Variants in SGCD observed in about 807,000 individuals in gnomAD.
The protein encoded by SGCD is delta-sarcoglycan.
Under a neutral mutation model 36.6 loss-of-function variants are expected in SGCD, and 18 were observed. The ratio of observed to expected loss-of-function variants is 0.49; its 90% CI spans 0.34 to 0.73. The LOEUF (loss-of-function observed/expected upper bound fraction) is 0.73. Ranked by LOEUF, SGCD falls within the 30% of genes least tolerant of loss-of-function variation. The pLI is 0.01. For missense variants in SGCD, 387 were observed against 346.7 expected (o/e 1.12, Z -0.92); for synonymous variants, 133 against 130.6 (o/e 1.02, Z -0.12).
the SGCD span, among the ~76,000 whole-genome samples, chr5:155,748,908 A>G: frequency 6.6e-6 from 1 of 152,216 alleles, no homozygotes; most frequent in Non-Finnish European, 1.5e-5. Flanking sequence ...CACAATGGCA[A>G]AAGTCTCTGG....
chr5:156,558,482 G>A (rs1336871966), intron 4 of SGCD, among the ~76,000 whole-genome samples: 1 of 152,046 alleles, frequency 6.6e-6, no homozygotes, highest in African/African-American at 2.4e-5. Context: ...ACTTGCATGT[G>A]TACATGACTA....
chr5:156,188,520 G>C (rs1051870177), intron 3 of SGCD, among the ~76,000 whole-genome samples: 9 of 151,948 alleles, frequency 5.9e-5, no homozygotes, highest in Non-Finnish European at 8.8e-5. Flanking sequence ...GTTGCAAAAG[G>C]CTTCTGAGAG....
intron 1 of SGCD, among the ~76,000 whole-genome samples, chr5:155,989,236 GTTTC>G (rs1484970318): frequency 7.9e-5 from 12 of 152,116 alleles, no homozygotes; most frequent in African/African-American, 2.9e-4. Context: ...AGGTTATGTG[GTTTC>G]TGCCATTGCA....
chr5:155,746,129 A>G, the SGCD span, among the ~76,000 whole-genome samples: 2 of 152,236 alleles, frequency 1.3e-5, no homozygotes, highest in Admixed American at 6.5e-5. Context: ...AGAATATTCA[A>G]TGGATTACAA....
intron 4 of SGCD, among the ~76,000 whole-genome samples, chr5:156,543,386 G>C (rs1031548223): frequency 2.6e-5 from 4 of 152,168 alleles, no homozygotes; most frequent in African/African-American, 9.7e-5. Context: ...TCAGTTTTCA[G>C]CATCATGTGA....
chr5:156,405,381 G>A (rs1221437070), intron 3 of SGCD, among the ~76,000 whole-genome samples: 1 of 152,158 alleles, frequency 6.6e-6, no homozygotes, highest in Admixed American at 6.5e-5. Flanking sequence ...TTCCATTTTG[G>A]ATGGTAGAAT....
Position 156,657,724 on chromosome 5 carries a change from C to G in SGCD, c.575+10188C>G, listed in dbSNP as rs181410437. Among the ~76,000 whole-genome samples, 314 of 151,960 alleles carry G rather than the reference C, an allele frequency of 2.1e-3. 2 individuals are homozygous for G. Among genetic ancestry groups the G allele is most frequent in the African/African-American group, 7.3e-3 (302 of 41,410 alleles). ...TTGCAGTTGTAGGGGTGGGTTGCCC[C>G]TACACACCTGTGGGTGTTTCTCGTA... On this transcript the variant is annotated intron_variant, in intron 7 of 8. Coordinates refer to ENST00000337851, the MANE Select transcript of SGCD (RefSeq NM_000337.6).
At chr5:156,175,627 G>A (rs1432597562) in intron 3 of SGCD, among the ~76,000 whole-genome samples, 2 of 152,096 alleles carry the variant, frequency 1.3e-5, no homozygotes, top group Non-Finnish European at 2.9e-5. Context: ...AATACAATAA[G>A]GAGTTTCCAG....
intron 3 of SGCD, among the ~76,000 whole-genome samples, chr5:156,482,751 A>G (rs1159750445): frequency 2.7e-5 from 4 of 148,472 alleles, no homozygotes; most frequent in Admixed American, 2.0e-4. Flanking sequence ...TGTGAACATT[A>G]TCAATTTCTA....
At chr5:156,444,065 TCTCTCTC>T (rs1232959403) in intron 3 of SGCD, among the ~76,000 whole-genome samples, 4 of 12,382 alleles carry the variant, frequency 3.2e-4, no homozygotes, top group African/African-American at 7.0e-4. Context: ...TTTCTCTCCT[TCTCTCTC>T]TCTCTCTCTC....
At chr5:156,593,513 T>C (rs1039370681) in intron 5 of SGCD, among the ~76,000 whole-genome samples, 3 of 152,158 alleles carry the variant, frequency 2.0e-5, no homozygotes, top group African/African-American at 7.2e-5. Flanking sequence ...CTCTGTTTCT[T>C]TATTCACCAC....
chr5:156,511,460 A>G (rs760723491), intron 4 of SGCD, among the ~76,000 whole-genome samples: 1 of 152,152 alleles, frequency 6.6e-6, no homozygotes, highest in African/African-American at 2.4e-5. Flanking sequence ...CAAAATGTCA[A>G]ATCGCTCCAC....
At chr5:156,535,995 C>T (rs974666283) in intron 4 of SGCD, among the ~76,000 whole-genome samples, 15 of 152,048 alleles carry the variant, frequency 9.9e-5, no homozygotes, top group Admixed American at 8.5e-4. Context: ...AAGAAAGATG[C>T]GTATGAGACA....
chr5:156,347,061 T>C (rs1290296945), intron 3 of SGCD, among the ~76,000 whole-genome samples: 1 of 152,124 alleles, frequency 6.6e-6, no homozygotes, highest in African/African-American at 2.4e-5. Flanking sequence ...CCTCCCAAAG[T>C]GCTGGGATTA....
intron 3 of SGCD, among the ~76,000 whole-genome samples, chr5:156,374,703 C>A (rs1770563867): frequency 1.4e-5 from 2 of 147,672 alleles, no homozygotes; most frequent in African/African-American, 2.5e-5. Context: ...GCTCTGTTGC[C>A]CAGGCTGGAG....
intron 7 of SGCD, among the ~76,000 whole-genome samples, chr5:156,677,998 C>T (rs1419599293): frequency 6.6e-6 from 1 of 152,150 alleles, no homozygotes; most frequent in Non-Finnish European, 1.5e-5. Context: ...AAATGCTAAG[C>T]CAGTGATTCC....
chr5:155,770,353 C>G, the SGCD span, among the ~76,000 whole-genome samples: 2 of 144,092 alleles, frequency 1.4e-5, no homozygotes, highest in Non-Finnish European at 3.0e-5. Flanking sequence ...AGGAGCCAGC[C>G]ATAGGATGTG....
chr5:155,840,218 C>T, the SGCD span, among the ~76,000 whole-genome samples: 6 of 151,460 alleles, frequency 4.0e-5, no homozygotes, highest in Admixed American at 6.6e-5. Context: ...ACACATCCTC[C>T]CTCAAGGTGG....
the SGCD span, among the ~76,000 whole-genome samples, chr5:155,749,589 G>A: frequency 9.9e-5 from 15 of 152,138 alleles, no homozygotes; most frequent in Non-Finnish European, 2.1e-4. Flanking sequence ...GATTTCAGAC[G>A]TTTTTGTAGT....
Sources: allele counts gnomAD v4.1 joint callset (sites outside exome capture counted in the v4.1 genomes callset), GRCh38; gene constraint gnomAD v4.1.1; transcripts MANE v1.5; gene names NCBI Gene and HGNC (gene_info 2026-07-23, HGNC 2026-07-21).